Variants in ZBTB7A observed in about 807,000 individuals in gnomAD.
ZBTB7A encodes zinc finger and BTB domain-containing protein 7A.
In ZBTB7A, 7 loss-of-function variants were observed where a neutral mutation model predicts 26.7. The ratio of observed to expected loss-of-function variants is 0.26; its 90% CI spans 0.15 to 0.49. The LOEUF is 0.49. Ranked by LOEUF, ZBTB7A falls within the 20% of genes least tolerant of loss-of-function variation. ZBTB7A has a pLI of 0.98. For synonymous variants in ZBTB7A, 452 were observed against 441.0 expected, an observed-to-expected ratio of 1.02 and a Z score of -0.31; for missense variants, 617 against 919.5, an observed-to-expected ratio of 0.67 and a Z score of 4.25.
chr19:4,049,692 A>G (rs1200261181), intron 2 of ZBTB7A, among the ~76,000 whole-genome samples: 1 of 152,028 alleles, frequency 6.6e-6, no homozygotes, highest in Admixed American at 6.6e-5. Flanking sequence ...CCACCCCACG[A>G]CACCCAGGAC....
At chr19:4,050,474 C>T (rs996220622) in intron 2 of ZBTB7A, among the ~76,000 whole-genome samples, 5 of 152,220 alleles carry the variant, frequency 3.3e-5, no homozygotes, top group Non-Finnish European at 5.9e-5. Flanking sequence ...CTGCCTGTCT[C>T]GCCCCATGGG....
intron 1 of ZBTB7A, among the ~76,000 whole-genome samples, chr19:4,061,344 G>C (rs893884444): frequency 2.0e-5 from 3 of 152,164 alleles, no homozygotes; most frequent in Non-Finnish European, 2.9e-5. Flanking sequence ...TGCAGGTGCG[G>C]CTGCCAGGCC....
At chr19:4,055,992 G>A (rs774084030) in intron 1 of ZBTB7A, among the ~76,000 whole-genome samples, 8 of 152,122 alleles carry the variant, frequency 5.3e-5, no homozygotes, top group Non-Finnish European at 1.0e-4. Context: ...TTCCCCAGCT[G>A]TTCCCAAGTG....
intron 1 of ZBTB7A, among the ~76,000 whole-genome samples, chr19:4,063,819 C>G: frequency 6.6e-6 from 1 of 151,590 alleles, no homozygotes; most frequent in African/African-American, 2.4e-5. Flanking sequence ...TCTGCTTCCC[C>G]CTACGCTTCA....
chr19:4,055,382 G>A, intron 1 of ZBTB7A, 135 bp from the exon 2 acceptor site: 1 of 1,393,664 alleles, frequency 7.2e-7, no homozygotes, highest in Non-Finnish European at 9.3e-7. Context: ...ACCTGCACGT[G>A]AAGGCGGTCA....
rs759684209 is a variant in ZBTB7A, at chr19:4,054,607, ACGGCGGCCACAG to A, written c.614_625del (p.Ala205_Ala208del). ...TAAGCCGTTGCAGTCGCCCGCGGCCACGGCGGCCACAGCGGCGGCCACGGCCTCCTTGGTGGC... is the reference window on the plus strand; with the variant it reads ...TAAGCCGTTGCAGTCGCCCGCGGCCACGGCGGCCACGGCCTCCTTGGTGGC... On this transcript the variant is annotated inframe_deletion, in exon 2 of 3. Coordinates refer to ENST00000322357, the MANE Select transcript of ZBTB7A (RefSeq NM_015898.4). 21 of 1,583,268 alleles carry A rather than the reference ACGGCGGCCACAG, an allele frequency of 1.3e-5. No homozygotes were observed. The highest frequency in any genetic ancestry group is 5.4e-5 in the African/African-American group (4 of 74,114).
intron 2 of ZBTB7A, among the ~76,000 whole-genome samples, chr19:4,051,470 G>A (rs964113405): frequency 1.3e-5 from 2 of 152,176 alleles, no homozygotes; most frequent in African/African-American, 4.8e-5. Context: ...ACCAGCTACA[G>A]AGCTGGTGTC....
At chr19:4,057,048 G>A (rs1025029313) in intron 1 of ZBTB7A, among the ~76,000 whole-genome samples, 15 of 133,578 alleles carry the variant, frequency 1.1e-4, no homozygotes, top group South Asian at 2.4e-4. Context: ...AAAAGAAAAA[G>A]AAAAAGAAAA....
chr19:4,064,723 CCCG>C (rs1238621659), intron 1 of ZBTB7A, among the ~76,000 whole-genome samples: 1 of 152,000 alleles, frequency 6.6e-6, no homozygotes, highest in Non-Finnish European at 1.5e-5. Context: ...GCCCACCGAG[CCCG>C]CCACCCATGG....
chr19:4,055,270 G>A, intron 1 of ZBTB7A, 23 bp from the exon 2 acceptor site: 1 of 1,447,020 alleles, frequency 6.9e-7, no homozygotes, highest in Non-Finnish European at 9.1e-7. Context: ...GGAAGGAGAG[G>A]GCGCTCGTGA....
At chr19:4,060,761 C>T (rs2040630253) in intron 1 of ZBTB7A, among the ~76,000 whole-genome samples, 1 of 152,196 alleles carries the variant, frequency 6.6e-6, no homozygotes, top group Non-Finnish European at 1.5e-5. Context: ...CCAGGGGCCT[C>T]CCCAAGGTCA....
At chr19:4,065,112 C>T (rs976954023) in intron 1 of ZBTB7A, among the ~76,000 whole-genome samples, 4 of 151,774 alleles carry the variant, frequency 2.6e-5, no homozygotes, top group African/African-American at 7.2e-5. Context: ...CAGCTCCCCC[C>T]TCCCCTGCCC....
chr19:4,063,305 C>G (rs983414098), intron 1 of ZBTB7A, among the ~76,000 whole-genome samples: 1 of 152,210 alleles, frequency 6.6e-6, no homozygotes, highest in African/African-American at 2.4e-5. Context: ...GCAGAGCAAG[C>G]GTGCCAGCAT....
intron 1 of ZBTB7A, among the ~76,000 whole-genome samples, chr19:4,063,848 C>T (rs1292382719): frequency 1.3e-5 from 2 of 152,176 alleles, no homozygotes; most frequent in East Asian, 1.9e-4. Context: ...TGCCTAGTAC[C>T]GGCACCTGCT....
chr19:4,053,897 G>C, intron 2 of ZBTB7A, 74 bp downstream of exon 2: 2 of 1,479,918 alleles, frequency 1.4e-6, no homozygotes, highest in Non-Finnish European at 9.0e-7. Context: ...CAGGGAGAGA[G>C]GCGGGAGGGG....
Position 4,047,986 on chromosome 19 carries a change from C to T in ZBTB7A, c.1521G>A (p.Ala507=), listed in dbSNP as rs1306020750. 1.3e-5 allele frequency: 16 copies of T among 1,242,654 alleles called. No individual in the cohort carries two copies. The highest frequency in any genetic ancestry group is 1.5e-5 in the Non-Finnish European group (15 of 982,570). The allele number at this position is 1,242,654 out of a possible 1,614,324, so 77.0% of individuals were successfully genotyped here. A position where few individuals can be genotyped will look rare whatever the true frequency, so the allele number is the denominator to read the frequency against. ...RGRKPRVRGG[A]PDPSPGATAT... ...CGGTGGCCCCCGGGCTGGGGTCGGGCGCCCCGCCCCGGACGCGGGGCTTGC... is the reference window on the plus strand; with the variant it reads ...CGGTGGCCCCCGGGCTGGGGTCGGGTGCCCCGCCCCGGACGCGGGGCTTGC... Residue 507 remains alanine, a synonymous_variant, in exon 3 of 3, where the codon GCG becomes GCA. Transcript: ENST00000322357.
rs2040381083 is a variant in ZBTB7A, at chr19:4,044,017, A to G, written c.*3735T>C. On this transcript the variant is annotated 3_prime_UTR_variant, in exon 3 of 3. Transcript: ENST00000322357. ...TTTCATTCTCTCTGTCTTGCCTCCA[A>G]CCATTCTGGTTGCCGGGCGGGAGGG... is the stretch of plus-strand genomic sequence containing the variant. 6.6e-6 allele frequency among the ~76,000 whole-genome samples: 1 copy of G among 151,252 alleles called. No homozygotes were observed. Among genetic ancestry groups the G allele is most frequent in the South Asian group, 2.1e-4 (1 of 4,784 alleles).
At position 4,047,682 on chromosome 19, in the gene ZBTB7A, G is replaced by T. The variant is rs929878636; in HGVS notation, c.*70C>A. ...TTTCTTTTTTTGTGTTTTTGGGGGG[G>T]TGGTGGGTGATTTTTTTTCTCTCTC... On this transcript the variant is annotated 3_prime_UTR_variant, in exon 3 of 3. Transcript: ENST00000322357. The T allele has an allele frequency of 1.7e-5, 26 of 1,526,656 alleles. No individual in the cohort carries two copies. The highest frequency in any genetic ancestry group is 2.1e-5 in the Non-Finnish European group (24 of 1,138,638). The allele number at this position is 1,526,656 out of a possible 1,614,324, so 94.6% of individuals were successfully genotyped here.
At position 4,054,825 on chromosome 19, in the gene ZBTB7A, C is replaced by T. The variant is rs764671096; in HGVS notation, c.408G>A (p.Ala136=). ...GGTCCAGCTGCCCGGCGTCGGCGCC[C>T]GCGTCGGCCGCCAGGATCTGCCGGT... The part of the protein sequence containing the change: ...LLDRQILAAD[A]GADAGQLDLV... The change falls in exon 2 of 3, where the codon GCG becomes GCA. Residue 136 remains alanine, a synonymous_variant. Transcript: ENST00000322357. The T allele has an allele frequency of 1.1e-5, 17 of 1,599,772 alleles. No individual in the cohort carries two copies. The East Asian group carries it at 2.7e-4, about 26-fold the overall frequency.
Sources: allele counts gnomAD v4.1 joint callset (sites outside exome capture counted in the v4.1 genomes callset), GRCh38; gene constraint gnomAD v4.1.1; transcripts MANE v1.5; gene names NCBI Gene and HGNC (gene_info 2026-07-23, HGNC 2026-07-21).